The following IRGM variants were observed in gnomAD, a reference collection of about 807,000 sequenced individuals.
IRGM encodes immunity-related GTPase family M protein.
For synonymous variants in IRGM, 98 were observed against 80.6 expected (o/e 1.22, Z -1.16); for missense variants, 288 against 219.9 (o/e 1.31, Z -1.96).
chr5:150,857,685 G>A (rs1188654885), intron 1 of IRGM, among the ~76,000 whole-genome samples: 3 of 152,086 alleles, frequency 2.0e-5, no homozygotes, highest in Non-Finnish European at 2.9e-5. Flanking sequence ...GCCAGTGATG[G>A]TGAGCATTTT....
chr5:150,858,050 T>C (rs1273498594), intron 1 of IRGM, among the ~76,000 whole-genome samples: 2 of 152,240 alleles, frequency 1.3e-5, no homozygotes, highest in Non-Finnish European at 2.9e-5. Flanking sequence ...AGGGTTTTTA[T>C]GGTTTTAGGT....
In IRGM at chr5:150,865,780, G is replaced by A. The variant is rs185085619; in HGVS notation, c.159-12200G>A. 2.3e-3 allele frequency among the ~76,000 whole-genome samples: 355 copies of A among 151,580 alleles called. 1 individual carries two copies. Among genetic ancestry groups the A allele is most frequent in the African/African-American group, 7.9e-3 (328 of 41,326 alleles). On this transcript the variant is annotated intron_variant and NMD_transcript_variant, in intron 1 of 3. Transcript: ENST00000520549. ...AAAAGATGACTTTTTTTTTTGAGAC[G>A]GAGTCTTACTCTGTTGCCCAGGCTG... is the stretch of plus-strand genomic sequence containing the variant.
At chr5:150,858,472 G>C in intron 1 of IRGM, among the ~76,000 whole-genome samples, 1 of 152,174 alleles carries the variant, frequency 6.6e-6, no homozygotes, top group Non-Finnish European at 1.5e-5. Flanking sequence ...GAAAGTCATT[G>C]GTAGCTTGAT....
chr5:150,891,632 C>A (rs1433049514), intron 3 of IRGM, among the ~76,000 whole-genome samples: 1 of 152,054 alleles, frequency 6.6e-6, no homozygotes, highest in East Asian at 1.9e-4. Context: ...TTATATTGTG[C>A]CACTTCATGT....
At chr5:150,897,279 CT>C in intron 3 of IRGM, 1 of 251,438 alleles carries the variant, frequency 4.0e-6, no homozygotes, top group Non-Finnish European at 7.5e-6. Flanking sequence ...CCCTTTTCAC[CT>C]TTTAATTTCA....
intron 3 of IRGM, among the ~76,000 whole-genome samples, chr5:150,900,030 AAC>A (rs759790878): frequency 1.4e-4 from 21 of 152,152 alleles, no homozygotes; most frequent in Non-Finnish European, 2.6e-4. Flanking sequence ...CAAGCTGCCA[AAC>A]AGTTAGTTGT....
chr5:150,889,036 T>C (rs1165574484), intron 3 of IRGM, among the ~76,000 whole-genome samples: 1 of 152,124 alleles, frequency 6.6e-6, no homozygotes, highest in Admixed American at 6.6e-5. Flanking sequence ...TAGTATTGTT[T>C]TCAAATTTCA....
chr5:150,872,400 T>C (rs935418546), intron 1 of IRGM, among the ~76,000 whole-genome samples: 1 of 152,148 alleles, frequency 6.6e-6, no homozygotes, highest in East Asian at 1.9e-4. Context: ...CCTGAGGCAG[T>C]TGTGAGGCAA....
chr5:150,878,601 T>G (rs1754400552), intron 2 of IRGM, among the ~76,000 whole-genome samples: 1 of 152,152 alleles, frequency 6.6e-6, no homozygotes, highest in South Asian at 2.1e-4. Flanking sequence ...GAATTTATCT[T>G]TATCCATTTA....
chr5:150,871,600 G>A (rs1754282303), intron 1 of IRGM, among the ~76,000 whole-genome samples: 1 of 152,170 alleles, frequency 6.6e-6, no homozygotes, highest in Non-Finnish European at 1.5e-5. Context: ...ACTCCCTTTG[G>A]GGGATAAACC....
Position 150,900,570 on chromosome 5 carries a change from A to G in IRGM, c.*141-19A>G, listed in dbSNP as rs563227358. On this transcript the variant is annotated intron_variant and NMD_transcript_variant, in intron 3 of 3. Coordinates refer to the IRGM transcript ENST00000520549. Reference sequence around the variant, plus strand: ...CCGATGTGTTAATGTTGGTTTCTACATCTCTTTTTTCTCTGCAGTCCTTCC... The same window carrying G: ...CCGATGTGTTAATGTTGGTTTCTACGTCTCTTTTTTCTCTGCAGTCCTTCC... The G allele has an allele frequency of 8.5e-5, 13 of 152,202 alleles. No individual in the cohort carries two copies. The South Asian group carries it at 2.7e-3, about 32-fold the overall frequency. 9.4% of individuals were successfully genotyped at this position (152,202 alleles called of 1,614,324 possible).
At chr5:150,890,370 T>C (rs1246044370) in intron 3 of IRGM, among the ~76,000 whole-genome samples, 9 of 150,994 alleles carry the variant, frequency 6.0e-5, no homozygotes, top group African/African-American at 2.2e-4. Context: ...GTCACTTCTC[T>C]CATTTCTGAT....
chr5:150,900,351 A>G (rs1754950069), intron 3 of IRGM, among the ~76,000 whole-genome samples: 1 of 152,016 alleles, frequency 6.6e-6, no homozygotes, highest in African/African-American at 2.4e-5. Flanking sequence ...TGCCCTTTCT[A>G]CTTTTACAAA....
chr5:150,894,114 A>C (rs1754668043), intron 3 of IRGM, among the ~76,000 whole-genome samples: 1 of 152,134 alleles, frequency 6.6e-6, no homozygotes. Context: ...ATAGGAAATC[A>C]AGCAGGAAAT....
At chr5:150,853,698 A>G (rs1754007666), downstream of IRGM, among the ~76,000 whole-genome samples, 1 of 151,976 alleles carries the variant, frequency 6.6e-6, no homozygotes, top group Admixed American at 6.6e-5. Flanking sequence ...CCTAGAGTCT[A>G]TTTTGTCTGA....
chr5:150,894,912 G>C (rs1754701427), intron 3 of IRGM: 1 of 152,384 alleles, frequency 6.6e-6, no homozygotes, highest in Non-Finnish European at 1.5e-5. Flanking sequence ...AATGCATACA[G>C]ATCAACTTTA....
At position 150,856,275 on chromosome 5, in the gene IRGM, A is replaced by G. The variant is rs573002443; in HGVS notation, c.158+7621A>G. Reference sequence around the variant, plus strand: ...GTGAAACTCTGTCTCTACTAAAAGTACAAAAATTAGCCAGGCATGGTGGTG... The same window carrying G: ...GTGAAACTCTGTCTCTACTAAAAGTGCAAAAATTAGCCAGGCATGGTGGTG... On this transcript the variant is annotated intron_variant and NMD_transcript_variant, in intron 1 of 3. Transcript: ENST00000520549. Among the ~76,000 whole-genome samples the G allele has an allele frequency of 2.6e-5, 4 of 152,238 alleles. No homozygotes were observed. In the South Asian group the frequency reaches 6.2e-4, roughly 24 times the overall value.
At chr5:150,865,252 A>G (rs1754190368) in intron 1 of IRGM, among the ~76,000 whole-genome samples, 1 of 152,244 alleles carries the variant, frequency 6.6e-6, no homozygotes, top group Admixed American at 6.5e-5. Flanking sequence ...GCTAAGAGAA[A>G]GGAAAAGGAA....
At chr5:150,864,672 C>G (rs917194097) in intron 1 of IRGM, among the ~76,000 whole-genome samples, 1 of 152,246 alleles carries the variant, frequency 6.6e-6, no homozygotes, top group African/African-American at 2.4e-5. Context: ...GCCTATTTTT[C>G]TCCTATCACA....
Sources: allele counts gnomAD v4.1 joint callset (sites outside exome capture counted in the v4.1 genomes callset), GRCh38; gene constraint gnomAD v4.1.1; transcripts MANE v1.5; gene names NCBI Gene and HGNC (gene_info 2026-07-23, HGNC 2026-07-21).